The following CNBD1 variants were observed in gnomAD, a reference collection of about 807,000 sequenced individuals.
CNBD1 encodes cyclic nucleotide binding domain containing 1.
Under a neutral mutation model 54.4 loss-of-function variants are expected in CNBD1, and 71 were observed. That is an observed-to-expected ratio of 1.30 (90% CI 1.08 to 1.59). The LOEUF (loss-of-function observed/expected upper bound fraction) is 1.59. CNBD1 is among the 40% of genes most tolerant of loss of function. The pLI, the probability that CNBD1 is intolerant of heterozygous loss-of-function variation, is 0.00. For missense variants in CNBD1, 659 were observed against 518.0 expected (o/e 1.27, Z -2.64); for synonymous variants, 182 against 170.7 (o/e 1.07, Z -0.51).
chr8:87,291,021 C>G (rs1031830092), intron 8 of CNBD1, among the ~76,000 whole-genome samples: 2 of 152,084 alleles, frequency 1.3e-5, no homozygotes, highest in Non-Finnish European at 2.9e-5. Context: ...GTTTCTGACT[C>G]TCTCATATAT....
intron 4 of CNBD1, among the ~76,000 whole-genome samples, chr8:87,091,597 T>C (rs1019583311): frequency 2.0e-5 from 3 of 152,172 alleles, no homozygotes; most frequent in African/African-American, 7.2e-5. Flanking sequence ...AGCAAACAAA[T>C]TCTCAGAATT....
chr8:87,287,275 T>C (rs917650067), intron 8 of CNBD1, among the ~76,000 whole-genome samples: 9 of 152,138 alleles, frequency 5.9e-5, no homozygotes, highest in Non-Finnish European at 1.0e-4. Flanking sequence ...TGTCCATCTA[T>C]GAAAGCCAAT....
intron 6 of CNBD1, among the ~76,000 whole-genome samples, chr8:87,265,485 CTGTTTT>C (rs1388877236): frequency 6.6e-6 from 1 of 151,978 alleles, no homozygotes; most frequent in Admixed American, 6.6e-5. Context: ...GCAATATGGG[CTGTTTT>C]TTGCTTAAAT....
chr8:87,077,143 G>A (rs1457923063), intron 4 of CNBD1, among the ~76,000 whole-genome samples: 1 of 152,030 alleles, frequency 6.6e-6, no homozygotes, highest in African/African-American at 2.4e-5. Flanking sequence ...AGGCCTTGAG[G>A]GACCTGGCTT....
chr8:87,367,226 A>G (rs1810659082), intron 10 of CNBD1, among the ~76,000 whole-genome samples: 1 of 152,070 alleles, frequency 6.6e-6, no homozygotes. Context: ...CCACTTATGT[A>G]GCTTGTTTGT....
chr8:86,981,226 A>G (rs1808480458), intron 4 of CNBD1, among the ~76,000 whole-genome samples: 1 of 152,196 alleles, frequency 6.6e-6, no homozygotes, highest in Non-Finnish European at 1.5e-5. Flanking sequence ...ATGCCCAAGT[A>G]TTATGGCAGA....
intron 4 of CNBD1, among the ~76,000 whole-genome samples, chr8:87,094,561 C>T (rs866554320): frequency 6.6e-6 from 1 of 151,720 alleles, no homozygotes; most frequent in South Asian, 2.1e-4. Context: ...ATTGACAATG[C>T]TAATTTATTA....
At chr8:87,210,328 A>T (rs889247064) in intron 5 of CNBD1, among the ~76,000 whole-genome samples, 2 of 152,216 alleles carry the variant, frequency 1.3e-5, no homozygotes, top group Non-Finnish European at 2.9e-5. Flanking sequence ...AGAACAAAAA[A>T]GCTATTATGG....
intron 4 of CNBD1, among the ~76,000 whole-genome samples, chr8:87,193,241 T>C (rs1813649328): frequency 6.6e-6 from 1 of 152,182 alleles, no homozygotes; most frequent in Non-Finnish European, 1.5e-5. Flanking sequence ...TTATTTATAT[T>C]TGACCAATAT....
intron 8 of CNBD1, among the ~76,000 whole-genome samples, chr8:87,312,907 A>T (rs1243893459): frequency 6.6e-6 from 1 of 152,008 alleles, no homozygotes; most frequent in Non-Finnish European, 1.5e-5. Flanking sequence ...TGAGATTTGT[A>T]TTTGCTCCCA....
At chr8:86,938,783 A>G (rs929899771) in intron 3 of CNBD1, among the ~76,000 whole-genome samples, 1 of 152,220 alleles carries the variant, frequency 6.6e-6, no homozygotes, top group Non-Finnish European at 1.5e-5. Flanking sequence ...TAGTGTTAAC[A>G]GGATGATGTG....
intron 3 of CNBD1, among the ~76,000 whole-genome samples, chr8:86,913,815 G>A (rs947693201): frequency 6.6e-6 from 1 of 152,154 alleles, no homozygotes; most frequent in Non-Finnish European, 1.5e-5. Context: ...AAGCGTGGGG[G>A]TGCTGCAGGA....
intron 5 of CNBD1, among the ~76,000 whole-genome samples, chr8:87,228,174 C>G (rs1371421690): frequency 1.3e-5 from 2 of 150,146 alleles, no homozygotes; most frequent in Admixed American, 6.6e-5. Flanking sequence ...TACTTCTTTG[C>G]CTTTGGTTTG....
chr8:87,213,628 A>T lies in CNBD1; in HGVS notation c.577+7490A>T, dbSNP rs138290039. 7.5e-3 allele frequency among the ~76,000 whole-genome samples: 1,135 copies of T among 152,166 alleles called. 16 individuals are homozygous for T. The highest frequency in any genetic ancestry group is 0.026 in the African/African-American group (1,084 of 41,524). ...TCACACTGAGTCCCTCCCACAACAC[A>T]TGGGAATTATGGGAGCTACAATTCA... On this transcript the variant is annotated intron_variant, in intron 5 of 10. Transcript: ENST00000518476.
At chr8:87,014,943 G>A (rs1256517042) in intron 4 of CNBD1, among the ~76,000 whole-genome samples, 2 of 152,070 alleles carry the variant, frequency 1.3e-5, no homozygotes, top group Non-Finnish European at 2.9e-5. Context: ...TAACTGCGTT[G>A]TTCAAGGAAG....
At chr8:87,320,195 C>CT (rs1400657366) in intron 8 of CNBD1, among the ~76,000 whole-genome samples, 1 of 151,978 alleles carries the variant, frequency 6.6e-6, no homozygotes, top group Admixed American at 6.6e-5. Flanking sequence ...ACTAGCTTAA[C>CT]TTTTTATTGT....
chr8:87,120,162 C>CTTTGTATA (rs1222680314), intron 4 of CNBD1, among the ~76,000 whole-genome samples: 50 of 152,058 alleles, frequency 3.3e-4, no homozygotes, highest in Admixed American at 2.9e-3. Flanking sequence ...AGTATTAGTT[C>CTTTGTATA]TTTGTATATT....
At chr8:87,263,842 A>G (rs2130851236) in intron 6 of CNBD1, among the ~76,000 whole-genome samples, 1 of 152,300 alleles carries the variant, frequency 6.6e-6, no homozygotes, top group East Asian at 1.9e-4. Flanking sequence ...CAGAGAAGAT[A>G]TACTAAGAGG....
At chr8:87,121,825 A>G (rs1811896121) in intron 4 of CNBD1, among the ~76,000 whole-genome samples, 2 of 151,660 alleles carry the variant, frequency 1.3e-5, no homozygotes, top group South Asian at 4.1e-4. Flanking sequence ...ATTAATTCAA[A>G]TGTTGTCACA....
Sources: allele counts gnomAD v4.1 joint callset (sites outside exome capture counted in the v4.1 genomes callset), GRCh38; gene constraint gnomAD v4.1.1; transcripts MANE v1.5; gene names NCBI Gene and HGNC (gene_info 2026-07-23, HGNC 2026-07-21).